Variants in ATP10A observed in about 807,000 individuals in gnomAD.
ATP10A encodes the protein phospholipid-transporting ATPase VA.
Under a neutral mutation model 147.8 loss-of-function variants are expected in ATP10A, and 111 were observed. The observed-to-expected ratio is 0.75, with a 90% confidence interval of 0.64 to 0.88. The LOEUF (loss-of-function observed/expected upper bound fraction) is 0.88. ATP10A is among the 40% of genes least tolerant of loss of function. The pLI is 0.00. For synonymous variants in ATP10A, 875 were observed against 841.6 expected (o/e 1.04, Z -0.69); for missense variants, 1,927 against 1,959.0 (o/e 0.98, Z 0.31).
intron 1 of ATP10A, among the ~76,000 whole-genome samples, chr15:25,787,083 A>G (rs1025939723): frequency 2.0e-5 from 3 of 152,102 alleles, no homozygotes; most frequent in African/African-American, 4.8e-5. Flanking sequence ...ACTTACAGAC[A>G]TGGAAACCAA....
intron 8 of ATP10A, among the ~76,000 whole-genome samples, 157 bp downstream of exon 8, chr15:25,718,025 A>C (rs1344057667): frequency 6.6e-6 from 1 of 152,154 alleles, no homozygotes; most frequent in Non-Finnish European, 1.5e-5. Context: ...GACAGTGGAG[A>C]GAAAGTGTTG....
Position 25,736,022 on chromosome 15 carries a change from G to A in ATP10A, c.740+34C>T, listed in dbSNP as rs372669429. On this transcript the variant is annotated intron_variant, in intron 3 of 20. Coordinates refer to ENST00000555815, the MANE Select transcript of ATP10A (RefSeq NM_024490.4). ...CACCTGCCTATGTAGTTATCAAACA[G>A]AAGGATGCGCGCAGGCAGACACACG... The A allele has an allele frequency of 3.0e-5, 46 of 1,541,900 alleles. No homozygotes were observed. In the African/African-American group the frequency reaches 5.8e-4, roughly 20 times the overall value.
At chr15:25,857,186 G>T (rs1893555934) in intron 1 of ATP10A, among the ~76,000 whole-genome samples, 1 of 152,190 alleles carries the variant, frequency 6.6e-6, no homozygotes, top group Non-Finnish European at 1.5e-5. Context: ...GCTCAGGCTT[G>T]TCATCCCAGC....
intron 1 of ATP10A, among the ~76,000 whole-genome samples, chr15:25,846,230 G>A (rs920614840): frequency 1.3e-5 from 2 of 152,128 alleles, no homozygotes; most frequent in Non-Finnish European, 2.9e-5. Context: ...AGAGGAGGGC[G>A]GCGGTGATGC....
At chr15:25,736,032 C>G (rs777790058) in intron 3 of ATP10A, 24 bp downstream of exon 3, 1 of 1,584,600 alleles carries the variant, frequency 6.3e-7, no homozygotes, top group African/African-American at 1.3e-5. Context: ...GAAGGATGCG[C>G]GCAGGCAGAC....
intron 1 of ATP10A, among the ~76,000 whole-genome samples, chr15:25,845,312 G>A (rs1452576811): frequency 2.8e-5 from 3 of 108,122 alleles, no homozygotes; most frequent in East Asian, 7.6e-4. Context: ...AGCACGGACC[G>A]TTTGTGTGTT....
chr15:25,676,210 C>G (rs976387492), downstream of ATP10A, among the ~76,000 whole-genome samples: 1 of 152,124 alleles, frequency 6.6e-6, no homozygotes, highest in Non-Finnish European at 1.5e-5. Context: ...AGCTGAGTCC[C>G]GGCCCCTTAC....
intron 1 of ATP10A, among the ~76,000 whole-genome samples, chr15:25,791,995 A>AT (rs886108497): frequency 2.3e-4 from 35 of 150,044 alleles, no homozygotes; most frequent in South Asian, 1.0e-3. Context: ...AGTGCAGAGT[A>AT]TTTTTTTTTT....
At chr15:25,790,844 C>T (rs1054003685) in intron 1 of ATP10A, among the ~76,000 whole-genome samples, 5 of 152,106 alleles carry the variant, frequency 3.3e-5, no homozygotes, top group African/African-American at 1.2e-4. Context: ...TAAAACACTC[C>T]GGGGCACTTC....
At chr15:25,733,156 G>A (rs1028979122) in intron 3 of ATP10A, among the ~76,000 whole-genome samples, 2 of 152,182 alleles carry the variant, frequency 1.3e-5, no homozygotes, top group African/African-American at 4.8e-5. Context: ...CCTGGGCTCT[G>A]TGGTGTGAAG....
chr15:25,811,427 T>G, intron 1 of ATP10A, among the ~76,000 whole-genome samples: 1 of 151,728 alleles, frequency 6.6e-6, no homozygotes, highest in African/African-American at 2.4e-5. Context: ...GAACAAGAAG[T>G]AAGGATGAGG....
intron 1 of ATP10A, among the ~76,000 whole-genome samples, chr15:25,858,524 C>T (rs1893617440): frequency 6.6e-6 from 1 of 152,144 alleles, no homozygotes; most frequent in South Asian, 2.1e-4. Context: ...GTGAGAAGCT[C>T]ACCTTCTCAT....
chr15:25,732,006 C>G (rs745658488), intron 3 of ATP10A, among the ~76,000 whole-genome samples: 2 of 152,042 alleles, frequency 1.3e-5, no homozygotes, highest in Non-Finnish European at 2.9e-5. Context: ...CAGGTGTGCA[C>G]CACCACACCC....
chr15:25,738,257 T>G (rs1887397281), intron 2 of ATP10A, among the ~76,000 whole-genome samples: 1 of 152,196 alleles, frequency 6.6e-6, no homozygotes, highest in South Asian at 2.1e-4. Context: ...TCAGTCAGAC[T>G]TGTCAACCTG....
At chr15:25,812,898 T>C (rs781094357) in intron 1 of ATP10A, among the ~76,000 whole-genome samples, 13 of 152,200 alleles carry the variant, frequency 8.5e-5, no homozygotes, top group Non-Finnish European at 1.3e-4. Flanking sequence ...AAGTAAGAAA[T>C]GCATGTTAAG....
chr15:25,749,428 A>G (rs1290603535), intron 2 of ATP10A, among the ~76,000 whole-genome samples: 1 of 152,196 alleles, frequency 6.6e-6, no homozygotes, highest in Non-Finnish European at 1.5e-5. Context: ...CTAATCATTC[A>G]TCAGCACTGC....
intron 1 of ATP10A, among the ~76,000 whole-genome samples, chr15:25,834,530 C>G (rs1296859353): frequency 1.3e-5 from 2 of 152,144 alleles, no homozygotes; most frequent in Non-Finnish European, 2.9e-5. Flanking sequence ...AAAGTGGAAC[C>G]CTCGGAGAAC....
At chr15:25,698,198 A>G (rs1035766799) in intron 13 of ATP10A, among the ~76,000 whole-genome samples, 1 of 152,218 alleles carries the variant, frequency 6.6e-6, no homozygotes, top group Non-Finnish European at 1.5e-5. Context: ...TACTAGGCTA[A>G]TGTAAGATCA....
intron 7 of ATP10A, among the ~76,000 whole-genome samples, chr15:25,719,649 G>A (rs983437908): frequency 6.6e-6 from 1 of 152,096 alleles, no homozygotes; most frequent in African/African-American, 2.4e-5. Flanking sequence ...GGCTGTGGGG[G>A]CCACGGCTGG....
Sources: gnomAD v4.1 joint callset for allele counts (sites outside exome capture counted in the v4.1 genomes callset) on GRCh38, gnomAD v4.1.1 for gene constraint, MANE v1.5 for transcripts, NCBI Gene and HGNC (gene_info 2026-07-23, HGNC 2026-07-21) for gene names.